UGT1A6: variants seen among roughly 807,000 people sequenced by gnomAD.
The protein encoded by UGT1A6 is UDP glucuronosyltransferase family 1 member A6.
UGT1A6 carries 32 observed loss-of-function variants against 44.4 expected under a neutral mutation model. That is an observed-to-expected ratio of 0.72 (90% confidence interval 0.54 to 0.97). The LOEUF (loss-of-function observed/expected upper bound fraction) is 0.97. Among genes scored for constraint, UGT1A6 ranks in the 50% least tolerant of loss-of-function variants. The pLI, the probability that UGT1A6 is intolerant of heterozygous loss-of-function variation, is 0.00. For missense variants in UGT1A6, 685 were observed against 661.9 expected, an observed-to-expected ratio of 1.03 and a Z score of -0.38; for synonymous variants, 238 against 248.5, an observed-to-expected ratio of 0.96 and a Z score of 0.40.
At chr2:233,700,805 T>C (rs567611805) in intron 1 of UGT1A6, among the ~76,000 whole-genome samples, 135 of 152,262 alleles carry the variant, frequency 8.9e-4, no homozygotes, top group African/African-American at 2.8e-3. Flanking sequence ...ATGTGCCATG[T>C]TGGTGTGCTG....
chr2:233,743,852 G>A (rs770873874), intron 1 of UGT1A6: 10 of 1,367,226 alleles, frequency 7.3e-6, no homozygotes, highest in East Asian at 9.1e-5. Flanking sequence ...CTTGCGGTAC[G>A]CCTTCTTGAT....
At chr2:233,742,513 G>A (rs934347498) in intron 1 of UGT1A6, among the ~76,000 whole-genome samples, 9 of 151,822 alleles carry the variant, frequency 5.9e-5, no homozygotes, top group Non-Finnish European at 1.2e-4. Flanking sequence ...TCATGAACAC[G>A]TCACAGTGCT....
chr2:233,767,956 T>G lies in UGT1A6; in HGVS notation c.1081+20T>G, dbSNP rs745426586. The G allele has an allele frequency of 3.1e-6, 5 of 1,614,074 alleles. No individual in the cohort carries two copies. The East Asian group carries it at 8.9e-5, about 29-fold the overall frequency. On this transcript the variant is annotated intron_variant, in intron 3 of 4. Transcript: ENST00000305139. ...TGCTTGGTATGTTGGGCGGATTGGATGTATAGGTCAAACCAGGGTCAAATT... is the reference window on the plus strand; with the variant it reads ...TGCTTGGTATGTTGGGCGGATTGGAGGTATAGGTCAAACCAGGGTCAAATT...
intron 1 of UGT1A6, among the ~76,000 whole-genome samples, chr2:233,727,988 A>C (rs1274314392): frequency 6.6e-6 from 1 of 152,262 alleles, no homozygotes; most frequent in Non-Finnish European, 1.5e-5. Context: ...AGGTGGCATC[A>C]GCAATCTTGT....
chr2:233,720,612 AT>A (rs749616035), intron 1 of UGT1A6, among the ~76,000 whole-genome samples: 15 of 151,828 alleles, frequency 9.9e-5, no homozygotes, highest in Non-Finnish European at 2.1e-4. Context: ...AATACAGAAT[AT>A]TTGGGTTTCA....
At position 233,747,626 on chromosome 2, in the gene UGT1A6, C is replaced by G. The variant is rs546895525; in HGVS notation, c.862-19408C>G. 8.9e-6 allele frequency: 14 copies of G among 1,577,506 alleles called. No homozygotes were observed. The African/African-American group carries it at 1.8e-4, about 20-fold the overall frequency. ...AGCTACTGCATAATGAGGCCCTGAT[C>G]AGGCACCTGAATGCTACTTCCTTCG... On this transcript the variant is annotated intron_variant, in intron 1 of 4. Coordinates refer to ENST00000305139, the MANE Select transcript of UGT1A6 (RefSeq NM_001072.4).
At chr2:233,747,990 G>C in intron 1 of UGT1A6, 1 of 1,613,472 alleles carries the variant, frequency 6.2e-7, no homozygotes, top group Non-Finnish European at 8.5e-7. Flanking sequence ...GTTCCGAGGG[G>C]ACTTTGTGAT....
intron 1 of UGT1A6, chr2:233,755,543 A>C (rs1450453289): frequency 6.3e-6 from 1 of 158,400 alleles, no homozygotes; most frequent in African/African-American, 2.4e-5. Flanking sequence ...CATGGTCTCC[A>C]AAAAGGATGG....
intron 1 of UGT1A6, chr2:233,747,734 G>A: frequency 6.2e-7 from 1 of 1,613,288 alleles, no homozygotes; most frequent in Middle Eastern, 1.7e-4. Context: ...TTTTTTTGAG[G>A]AACATTCCAT....
intron 1 of UGT1A6, among the ~76,000 whole-genome samples, chr2:233,714,888 A>ATCTTTTTTATTT (rs148944858): frequency 1.7e-4 from 26 of 151,790 alleles, no homozygotes; most frequent in Non-Finnish European, 2.9e-4. Flanking sequence ...AAATTTTTCT[A>ATCTTTTTTATTT]TCTTTTGAGA....
At chr2:233,758,400 T>C (rs1696865651) in intron 1 of UGT1A6, among the ~76,000 whole-genome samples, 1 of 152,196 alleles carries the variant, frequency 6.6e-6, no homozygotes, top group African/African-American at 2.4e-5. Context: ...TTATAGCCCC[T>C]TTACTGTCTA....
chr2:233,727,709 G>T (rs1490010404), intron 1 of UGT1A6, among the ~76,000 whole-genome samples: 2 of 152,172 alleles, frequency 1.3e-5, no homozygotes, highest in African/African-American at 4.8e-5. Flanking sequence ...AGTTCCCAAA[G>T]CCCTTGCAGA....
intron 1 of UGT1A6, among the ~76,000 whole-genome samples, chr2:233,748,871 G>A (rs1439013136): frequency 2.0e-5 from 3 of 151,510 alleles, no homozygotes; most frequent in Admixed American, 6.6e-5. Flanking sequence ...AGCTGGGGAC[G>A]GTGATGAATG....
chr2:233,760,927 C>T (rs1225128510), intron 1 of UGT1A6: 3 of 1,614,216 alleles, frequency 1.9e-6, no homozygotes, highest in Non-Finnish European at 2.5e-6. Flanking sequence ...GAAGAACATG[C>T]TCATTGCCTT....
intron 1 of UGT1A6, chr2:233,760,208 A>C: frequency 6.3e-7 from 1 of 1,589,248 alleles, no homozygotes; most frequent in African/African-American, 1.4e-5. Context: ...TCAAACATTA[A>C]CTTGGTGTAT....
chr2:233,758,250 G>A (rs564739721), intron 1 of UGT1A6, among the ~76,000 whole-genome samples: 109 of 152,302 alleles, frequency 7.2e-4, no homozygotes, highest in African/African-American at 2.6e-3. Context: ...CCACTATTCA[G>A]ATTAGTAAGT....
intron 1 of UGT1A6, among the ~76,000 whole-genome samples, chr2:233,724,562 G>T (rs1169483427): frequency 1.1e-4 from 14 of 128,924 alleles, no homozygotes; most frequent in Non-Finnish European, 2.0e-4. Flanking sequence ...TCCCAGATGG[G>T]GCGGCGGGGC....
In UGT1A6 at chr2:233,742,646, C is replaced by T. The variant is rs1203522527; in HGVS notation, c.862-24388C>T. 5.3e-5 allele frequency: 8 copies of T among 152,164 alleles called. 1 individual carries two copies. The highest frequency in any genetic ancestry group is 1.2e-4 in the African/African-American group (5 of 41,160). The allele number at this position is 152,164 out of a possible 1,614,324, so 9.4% of individuals were successfully genotyped here. A position where few individuals can be genotyped will look rare whatever the true frequency, so the allele number is the denominator to read the frequency against. On this transcript the variant is annotated intron_variant, in intron 1 of 4. Transcript: ENST00000305139. Reference sequence around the variant, plus strand: ...GCTGAAGACAGTCCTAGTATACCACCGACCAACCATGTAACCCCAAGGTTT... The same window carrying T: ...GCTGAAGACAGTCCTAGTATACCACTGACCAACCATGTAACCCCAAGGTTT...
At chr2:233,732,140 G>A (rs1172524883) in intron 1 of UGT1A6, among the ~76,000 whole-genome samples, 1 of 135,546 alleles carries the variant, frequency 7.4e-6, no homozygotes, top group African/African-American at 2.8e-5. Flanking sequence ...TTGTTTGTTT[G>A]TTTTTTTTCT....
Sources: allele counts gnomAD v4.1 joint callset (sites outside exome capture counted in the v4.1 genomes callset), GRCh38; gene constraint gnomAD v4.1.1; transcripts MANE v1.5; gene names NCBI Gene and HGNC (gene_info 2026-07-23, HGNC 2026-07-21).